GNPNAT1: variants seen among roughly 807,000 people sequenced by gnomAD.
GNPNAT1 encodes the protein glucosamine 6-phosphate N-acetyltransferase.
A neutral mutation model predicts 19.8 loss-of-function variants in GNPNAT1; 11 were observed. The ratio of observed to expected loss-of-function variants is 0.56; its 90% CI spans 0.35 to 0.92. GNPNAT1 has a LOEUF of 0.92. Among genes scored for constraint, GNPNAT1 ranks in the 40% least tolerant of loss-of-function variants. The pLI, the probability that GNPNAT1 is intolerant of heterozygous loss-of-function variation, is 0.01. For synonymous variants in GNPNAT1, 71 were observed against 72.3 expected, an observed-to-expected ratio of 0.98 and a Z score of 0.09; for missense variants, 157 against 211.0, an observed-to-expected ratio of 0.74 and a Z score of 1.59.
chr14:52,784,746 T>C (rs1367632753), intron 1 of GNPNAT1, 82 bp from the exon 2 acceptor site: 2 of 589,930 alleles, frequency 3.4e-6, no homozygotes, highest in African/African-American at 3.9e-5. Context: ...TATAAATTAA[T>C]GCAATTAGAA....
chr14:52,778,821 A>G (rs1882806157), intron 5 of GNPNAT1, among the ~76,000 whole-genome samples: 1 of 152,126 alleles, frequency 6.6e-6, no homozygotes, highest in Admixed American at 6.6e-5. Context: ...GTTTGACACC[A>G]GCCTGGGAAA....
chr14:52,780,441 TAA>T (rs889566621), intron 5 of GNPNAT1, among the ~76,000 whole-genome samples: 2 of 152,170 alleles, frequency 1.3e-5, no homozygotes, highest in Non-Finnish European at 2.9e-5. Context: ...AGCATTACTA[TAA>T]AAAGTTAGTA....
intron 2 of GNPNAT1, among the ~76,000 whole-genome samples, chr14:52,783,700 T>C (rs1199485557): frequency 6.6e-6 from 1 of 152,162 alleles, no homozygotes; most frequent in African/African-American, 2.4e-5. Context: ...CTGCATAAGA[T>C]GTTTTAAATA....
At position 52,791,004 on chromosome 14, in the gene GNPNAT1, C is replaced by T. The variant is rs1883159382; in HGVS notation, c.-15+424G>A. On this transcript the variant is annotated intron_variant, in intron 1 of 5. Coordinates refer to ENST00000216410, the MANE Select transcript of GNPNAT1 (RefSeq NM_198066.4). This position sits in a 1 kb window ranked among gnomAD's most constrained non-coding sequence, Gnocchi z 4.1. ...GAGCAGCTGCCTCAATGGCTCCGAC[C>T]ACCGTGGGATGCGCCCGGGAATGGG... Among the ~76,000 whole-genome samples, 1 of 152,134 alleles carries T rather than the reference C, an allele frequency of 6.6e-6. No homozygotes were observed. The highest frequency in any genetic ancestry group is 6.5e-5 in the Admixed American group (1 of 15,274).
intron 1 of GNPNAT1, among the ~76,000 whole-genome samples, chr14:52,788,838 A>G (rs1258609329): frequency 2.0e-5 from 3 of 152,238 alleles, no homozygotes; most frequent in Non-Finnish European, 4.4e-5. Flanking sequence ...AGAAGTATAC[A>G]GGAAAACAAC....
At chr14:52,782,942 G>A (rs1882927657) in intron 3 of GNPNAT1, among the ~76,000 whole-genome samples, 1 of 151,962 alleles carries the variant, frequency 6.6e-6, no homozygotes, top group East Asian at 1.9e-4. Context: ...GTGATCTTGG[G>A]CAAGTCTTTG....
chr14:52,779,274 A>G (rs1010891326), intron 5 of GNPNAT1, among the ~76,000 whole-genome samples: 6 of 152,206 alleles, frequency 3.9e-5, no homozygotes, highest in African/African-American at 1.4e-4. Context: ...AAACAAAGCA[A>G]GTCTACATCT....
At chr14:52,782,465 A>AT (rs1882915430) in intron 3 of GNPNAT1, among the ~76,000 whole-genome samples, 1 of 152,142 alleles carries the variant, frequency 6.6e-6, no homozygotes, top group Non-Finnish European at 1.5e-5. Context: ...AAGTAAAAAC[A>AT]TATCTGTTTC....
Position 52,784,636 on chromosome 14 carries a change from T to C in GNPNAT1, c.15A>G (p.Glu5=). MKPD[E]TPMFDPSLLK... is the part of the protein sequence containing the mutation. ...GTAGACTTGGGTCAAACATAGGAGT[T>C]TCATCAGGTTTCATTTTTCTAGTAA... Residue 5 remains glutamate, a synonymous_variant, in exon 2 of 6, where the codon GAA becomes GAG. Transcript: ENST00000216410. The C allele has an allele frequency of 6.4e-7, 1 of 1,551,890 alleles. No homozygotes were observed. The highest frequency in any genetic ancestry group is 1.2e-5 in the South Asian group (1 of 83,042).
rs1882878400 is a variant in GNPNAT1, at chr14:52,780,853, A to T, written c.346-113T>A. 4.7e-6 allele frequency: 3 copies of T among 638,126 alleles called. No individual in the cohort carries two copies. In the East Asian group the frequency reaches 8.1e-5, roughly 17 times the overall value. The allele number at this position is 638,126 out of a possible 1,614,324, so 39.5% of individuals were successfully genotyped here. On this transcript the variant is annotated intron_variant, in intron 4 of 5. Transcript: ENST00000216410. ...AGTATATTTTGTAAACTTGAACTTA[A>T]CAGAAATCAAATGCAAAAAATATTA...
chr14:52,788,250 C>T (rs960656016), intron 1 of GNPNAT1, among the ~76,000 whole-genome samples: 49 of 152,162 alleles, frequency 3.2e-4, no homozygotes, highest in African/African-American at 1.1e-3. Flanking sequence ...CTTCCCACAT[C>T]AGCCTCCAGA....
Position 52,786,889 on chromosome 14 carries a change from T to TC in GNPNAT1, c.-14-2226dup, listed in dbSNP as rs59468963. Among the ~76,000 whole-genome samples, 209 of 121,220 alleles carry TC rather than the reference T, an allele frequency of 1.7e-3. 1 individual carries two copies. Among genetic ancestry groups the TC allele is most frequent in the Non-Finnish European group, 3.1e-3 (173 of 56,668 alleles). The allele number at this position is 121,220 out of a possible 152,430, so 79.5% of individuals were successfully genotyped here. A position where few individuals can be genotyped will look rare whatever the true frequency, so the allele number is the denominator to read the frequency against. On this transcript the variant is annotated intron_variant, in intron 1 of 5. Transcript: ENST00000216410. ...TTTTTTTTTTTTTTTTTTTTTTTTT[T>TC]CAGATTTGGGGATATTTGCATATAC...
chr14:52,783,426 T>TAA lies in GNPNAT1; in HGVS notation c.212_213dup (p.Met72LeufsTer2). ...AAAAAGAGGTTATAGTACTTACTCA[T>TAA]AAATTGTTCAGGGCTGACAACTCCA... On this transcript the variant is annotated frameshift_variant, in exon 3 of 6. Coordinates refer to ENST00000216410, the MANE Select transcript of GNPNAT1 (RefSeq NM_198066.4). LOFTEE classifies it high-confidence loss of function. 6.2e-7 allele frequency: 1 copy of TAA among 1,603,662 alleles called. No individual in the cohort carries two copies. The highest frequency in any genetic ancestry group is 2.2e-5 in the East Asian group (1 of 44,744).
intron 3 of GNPNAT1, among the ~76,000 whole-genome samples, chr14:52,782,710 T>C (rs1034510452): frequency 4.6e-5 from 7 of 151,970 alleles, no homozygotes; most frequent in African/African-American, 1.2e-4. Flanking sequence ...AAATAAACAA[T>C]GAGAATCAGA....
chr14:52,779,910 G>C (rs1043489010), intron 5 of GNPNAT1, among the ~76,000 whole-genome samples: 1 of 152,046 alleles, frequency 6.6e-6, no homozygotes, highest in African/African-American at 2.4e-5. Flanking sequence ...TCTTGGGCCA[G>C]GCACAGTGGC....
intron 3 of GNPNAT1, 51 bp from the exon 4 acceptor site, chr14:52,781,962 G>A: frequency 6.7e-7 from 1 of 1,502,000 alleles, no homozygotes; most frequent in Non-Finnish European, 8.9e-7. Flanking sequence ...CAATTTTATG[G>A]GGAGCCAGAA....
chr14:52,780,398 T>C (rs1337537001), intron 5 of GNPNAT1, among the ~76,000 whole-genome samples: 1 of 152,134 alleles, frequency 6.6e-6, no homozygotes, highest in Non-Finnish European at 1.5e-5. Context: ...GCAAATCCGA[T>C]TAGCCCAAAA....
chr14:52,779,907 C>T (rs1882847759), intron 5 of GNPNAT1, among the ~76,000 whole-genome samples: 1 of 152,018 alleles, frequency 6.6e-6, no homozygotes, highest in Admixed American at 6.6e-5. Flanking sequence ...AGTTCTTGGG[C>T]CAGGCACAGT....
chr14:52,783,562 A>G, intron 2 of GNPNAT1, 77 bp from the exon 3 acceptor site: 3 of 914,370 alleles, frequency 3.3e-6, no homozygotes, highest in South Asian at 2.8e-5. Context: ...TATATTAAGC[A>G]GGTGGGCTTA....
Sources: gnomAD v4.1 joint callset for allele counts (sites outside exome capture counted in the v4.1 genomes callset) on GRCh38, gnomAD v4.1.1 for gene constraint, Gnocchi (gnomAD v3.1) non-coding constraint, MANE v1.5 for transcripts, NCBI Gene and HGNC (gene_info 2026-07-23, HGNC 2026-07-21) for gene names.